The following RARA variants were observed in gnomAD, a reference collection of about 807,000 sequenced individuals.
RARA encodes retinoic acid receptor alpha, also known as PML-DDX5-RARA fusion.
RARA carries 5 observed loss-of-function variants against 42.8 expected under a neutral mutation model. The ratio of observed to expected loss-of-function variants is 0.12; its 90% CI spans 0.06 to 0.25. RARA has a LOEUF of 0.25. RARA is among the 10% of genes least tolerant of loss of function. RARA has a pLI of 1.00. For synonymous variants in RARA, 256 were observed against 259.5 expected (o/e 0.99, Z 0.13); for missense variants, 402 against 628.7 (o/e 0.64, Z 3.86).
At chr17:40,334,667 C>T (rs2033793249) in intron 2 of RARA, among the ~76,000 whole-genome samples, 2 of 152,226 alleles carry the variant, frequency 1.3e-5, no homozygotes, top group Admixed American at 6.5e-5. Context: ...TCCTCCATTC[C>T]TGCAGGAGCA....
intron 1 of RARA, among the ~76,000 whole-genome samples, chr17:40,317,690 C>G (rs73983034): frequency 0.012 from 1,854 of 151,166 alleles, 29 homozygotes; most frequent in African/African-American, 0.042. Context: ...AGATCTACTC[C>G]TGGACTCTTT....
Position 40,342,954 on chromosome 17 carries a change from G to T in RARA, c.179-5362G>T, listed in dbSNP as rs144099603. ...TACTACTCGGGGGTGAGAGTCCCGG[G>T]GTGTAGTGGAGGTCCTGTCTCTACC... On this transcript the variant is annotated intron_variant, in intron 2 of 8. Transcript: ENST00000254066. The T allele has an allele frequency of 2.7e-4, 406 of 1,517,256 alleles. 1 individual carries two copies. The African/African-American group carries it at 5.1e-3, about 19-fold the overall frequency. 94.0% of individuals were successfully genotyped at this position (1,517,256 alleles called of 1,614,324 possible).
chr17:40,343,573 TGAG>T (rs2034150554), intron 2 of RARA, among the ~76,000 whole-genome samples: 2 of 152,126 alleles, frequency 1.3e-5, no homozygotes, highest in Admixed American at 6.5e-5. Flanking sequence ...GCTGCTCTGG[TGAG>T]AAGAATCCCT....
At chr17:40,350,159 C>A in intron 4 of RARA, 1 of 558,740 alleles carries the variant, frequency 1.8e-6, no homozygotes, top group East Asian at 3.2e-5. Context: ...TATGTGTAAC[C>A]ATTCCTGTTT....
chr17:40,331,503 G>C (rs763007190), intron 2 of RARA, 107 bp downstream of exon 2: 1 of 1,305,230 alleles, frequency 7.7e-7, no homozygotes, highest in Non-Finnish European at 1.0e-6. Flanking sequence ...AAGGCACGGT[G>C]AGCGACAAGG....
chr17:40,344,724 T>C (rs2034197120), intron 2 of RARA, among the ~76,000 whole-genome samples: 1 of 152,052 alleles, frequency 6.6e-6, no homozygotes, highest in African/African-American at 2.4e-5. Context: ...AGTCTGAGCG[T>C]GGGTGTGCAT....
chr17:40,312,378 GC>G (rs1299086654), intron 1 of RARA, among the ~76,000 whole-genome samples: 1 of 152,280 alleles, frequency 6.6e-6, no homozygotes, highest in Non-Finnish European at 1.5e-5. Context: ...AGGCTGGAGT[GC>G]TGGACATGAT....
At position 40,355,133 on chromosome 17, in the gene RARA, C is replaced by A; in HGVS notation, c.1013-130C>A. 2 of 1,168,084 alleles carry A rather than the reference C, an allele frequency of 1.7e-6. No individual in the cohort carries two copies. The highest frequency in any genetic ancestry group is 2.4e-6 in the Non-Finnish European group (2 of 848,756). The allele number at this position is 1,168,084 out of a possible 1,614,324, so 72.4% of individuals were successfully genotyped here. On this transcript the variant is annotated intron_variant, in intron 7 of 8. Coordinates refer to ENST00000254066, the MANE Select transcript of RARA (RefSeq NM_000964.4). The surrounding 1 kb of genome is among the most constrained non-coding windows in gnomAD (Gnocchi z 4.1). ...ACCCTGCGGCAGCAGAGACCCCATG[C>A]CCTGCCCTGTGTGGGGAGGCGCCTG...
chr17:40,340,121 A>C (rs1176586084), intron 2 of RARA, among the ~76,000 whole-genome samples: 102 of 126,048 alleles, frequency 8.1e-4, no homozygotes, highest in East Asian at 1.6e-3. Context: ...CCTTACCCCC[A>C]CCCCCCCACG....
chr17:40,340,275 T>C (rs1420981267), intron 2 of RARA, among the ~76,000 whole-genome samples: 10 of 152,192 alleles, frequency 6.6e-5, no homozygotes, highest in Non-Finnish European at 4.4e-5. Context: ...CTATAATCCA[T>C]TCTTCACACA....
In RARA at chr17:40,351,457, C is replaced by T; in HGVS notation, c.470-453C>T. 4.2e-6 allele frequency: 2 copies of T among 472,100 alleles called. No individual in the cohort carries two copies. The highest frequency in any genetic ancestry group is 8.8e-6 in the Non-Finnish European group (2 of 227,856). The allele number at this position is 472,100 out of a possible 1,614,324, so 29.2% of individuals were successfully genotyped here. On this transcript the variant is annotated intron_variant, in intron 4 of 8. Transcript: ENST00000254066. The surrounding 1 kb of genome is among the most constrained non-coding windows in gnomAD (Gnocchi z 4.1). ...CCCACTCTCAGGCTGGGGAGCCCTA[C>T]TCCCCACTTGCCCCAGGAGCTGCTC...
intron 4 of RARA, 108 bp downstream of exon 4, chr17:40,350,033 C>T (rs374461443): frequency 4.3e-5 from 64 of 1,473,046 alleles, no homozygotes; most frequent in Non-Finnish European, 5.3e-5. Context: ...TGCATGAACA[C>T]GCATGCCGTG....
intron 1 of RARA, among the ~76,000 whole-genome samples, chr17:40,310,683 G>A (rs1441623353): frequency 6.6e-6 from 1 of 152,096 alleles, no homozygotes; most frequent in East Asian, 1.9e-4. Context: ...GACTTAGACT[G>A]GTTACTTAAC....
At chr17:40,333,646 T>C (rs897381661) in intron 2 of RARA, among the ~76,000 whole-genome samples, 9 of 151,888 alleles carry the variant, frequency 5.9e-5, no homozygotes, top group Admixed American at 2.0e-4. Context: ...TTCTTTCTTT[T>C]TTTTTTTTCT....
rs1010379239 is a variant in RARA, at chr17:40,356,613, C to T, written c.*387C>T. 1 of 553,386 alleles carries T rather than the reference C, an allele frequency of 1.8e-6. No homozygotes were observed. Among genetic ancestry groups the T allele is most frequent in the African/African-American group, 1.8e-5 (1 of 54,576 alleles). 34.3% of individuals were successfully genotyped at this position (553,386 alleles called of 1,614,324 possible). A position where few individuals can be genotyped will look rare whatever the true frequency, so the allele number is the denominator to read the frequency against. Reference sequence around the variant, plus strand: ...CTCAGAACTCACAAGCCATTGCTCCCCAGCTGGGGAACCTCAACCTCCCCC... The same window carrying T: ...CTCAGAACTCACAAGCCATTGCTCCTCAGCTGGGGAACCTCAACCTCCCCC... On this transcript the variant is annotated 3_prime_UTR_variant, in exon 9 of 9. Transcript: ENST00000254066.
intron 1 of RARA, among the ~76,000 whole-genome samples, chr17:40,330,056 G>T (rs1254904911): frequency 1.3e-5 from 2 of 152,158 alleles, no homozygotes; most frequent in African/African-American, 4.8e-5. Flanking sequence ...ACAGGGTGTG[G>T]ATCTGTATTC....
Position 40,345,884 on chromosome 17 carries a change from C to A in RARA, c.179-2432C>A, listed in dbSNP as rs150457463. ...GGCCTTGGTCCTTGTACCTCACCTC[C>A]TTGGACTGCTGGCTGGAGGCCTGGG... On this transcript the variant is annotated intron_variant, in intron 2 of 8. Coordinates refer to ENST00000254066, the MANE Select transcript of RARA (RefSeq NM_000964.4). The surrounding 1 kb of genome is among the most constrained non-coding windows in gnomAD (Gnocchi z 4.8). Among the ~76,000 whole-genome samples, 14 of 152,188 alleles carry A rather than the reference C, an allele frequency of 9.2e-5. No individual in the cohort carries two copies. Among genetic ancestry groups the A allele is most frequent in the Non-Finnish European group, 1.6e-4 (11 of 68,024 alleles).
chr17:40,353,142 G>A (rs1333250006), intron 6 of RARA, among the ~76,000 whole-genome samples: 1 of 152,184 alleles, frequency 6.6e-6, no homozygotes, highest in Admixed American at 6.5e-5. Flanking sequence ...GTGACATCTA[G>A]GGGTTTGTAG....
chr17:40,354,506 G>A lies in RARA; in HGVS notation c.1012G>A (p.Asp338Asn), dbSNP rs2143529277. 1.2e-6 allele frequency: 2 copies of A among 1,613,334 alleles called. No individual in the cohort carries two copies. The highest frequency in any genetic ancestry group is 1.7e-6 in the Non-Finnish European group (2 of 1,179,936). ...LLSAICLICG[D>N]RQDLEQPDRV... ...CAGCGCCATCTGCCTCATCTGCGGA[G>A]GTGGGCAGGGGGCCTGGGTCTGGGG... The change falls in exon 7 of 9, where the codon GAC becomes AAC. Residue 338 changes from aspartate (D) to asparagine (N), a missense_variant and splice_region_variant. This residue lies in a region of RARA where 104 missense variants were observed against 160.1 expected (regional missense o/e 0.65). Transcript: ENST00000254066. This position sits in a 1 kb window ranked among gnomAD's most constrained non-coding sequence, Gnocchi z 4.5.
Sources: allele counts gnomAD v4.1 joint callset (sites outside exome capture counted in the v4.1 genomes callset), GRCh38; gene constraint gnomAD v4.1.1; regional missense constraint gnomAD v4.1.1; non-coding constraint Gnocchi (gnomAD v3.1); transcripts MANE v1.5; gene names NCBI Gene and HGNC (gene_info 2026-07-23, HGNC 2026-07-21).